UBR3: variants seen among roughly 807,000 people sequenced by gnomAD.
UBR3 encodes the protein E3 ubiquitin-protein ligase UBR3.
Under a neutral mutation model 243.2 loss-of-function variants are expected in UBR3, and 85 were observed. The ratio of observed to expected loss-of-function variants is 0.35; its 90% CI spans 0.29 to 0.42. The LOEUF (loss-of-function observed/expected upper bound fraction) is 0.42, where lower values mean the gene tolerates loss of function less well. UBR3 is among the 10% of genes least tolerant of loss of function. The pLI, the probability that UBR3 is intolerant of heterozygous loss-of-function variation, is 1.00. For synonymous variants in UBR3, 748 were observed against 799.8 expected, an observed-to-expected ratio of 0.94 and a Z score of 1.09; for missense variants, 1,686 against 2,300.8, an observed-to-expected ratio of 0.73 and a Z score of 5.47.
At chr2:169,956,671 G>T (rs528988764) in intron 23 of UBR3, among the ~76,000 whole-genome samples, 25 of 152,270 alleles carry the variant, frequency 1.6e-4, no homozygotes, top group African/African-American at 5.8e-4. Flanking sequence ...GCAAAAATAT[G>T]TAACTTCTCA....
chr2:169,942,645 A>G lies in UBR3; in HGVS notation c.2805+11A>G. The G allele has an allele frequency of 1.3e-6, 2 of 1,494,948 alleles. No homozygotes were observed. Among genetic ancestry groups the G allele is most frequent in the African/African-American group, 1.4e-5 (1 of 70,496 alleles). 92.6% of individuals were successfully genotyped at this position (1,494,948 alleles called of 1,614,324 possible). On this transcript the variant is annotated intron_variant, in intron 20 of 38. Transcript: ENST00000272793. ...ACTCTGCTTTACAAGGTACAGTAGT[A>G]ATTTGAATAGAAAGACTAAGCTTAG...
rs149970268 is a variant in UBR3, at chr2:170,078,454, T to C, written c.5200-1360T>C. On this transcript the variant is annotated intron_variant, in intron 36 of 38. Transcript: ENST00000272793. ...CTGTTAAATACTTTCCACCTCTTGT[T>C]TCCCATACATATGCATTCCAATTGT... Among the ~76,000 whole-genome samples the C allele has an allele frequency of 7.9e-3, 1,201 of 152,312 alleles. 15 individuals are homozygous for C. The highest frequency in any genetic ancestry group is 0.026 in the African/African-American group (1,087 of 41,562).
chr2:169,973,405 GA>G, intron 24 of UBR3, among the ~76,000 whole-genome samples: 1 of 149,252 alleles, frequency 6.7e-6, no homozygotes, highest in Non-Finnish European at 1.5e-5. Flanking sequence ...CACAGAATTG[GA>G]AAAAACTACT....
chr2:170,053,477 C>T (rs2091268287), intron 32 of UBR3, among the ~76,000 whole-genome samples: 1 of 152,124 alleles, frequency 6.6e-6, no homozygotes, highest in East Asian at 1.9e-4. Context: ...TGGACTTCAC[C>T]CAATGTGCCT....
intron 36 of UBR3, among the ~76,000 whole-genome samples, chr2:170,073,979 A>ATGTCT (rs1377918166): frequency 6.6e-6 from 1 of 152,208 alleles, no homozygotes; most frequent in Non-Finnish European, 1.5e-5. Context: ...CTAAAAGGTC[A>ATGTCT]TGTCTTTAAC....
intron 1 of UBR3, among the ~76,000 whole-genome samples, chr2:169,837,067 T>C (rs2082134239): frequency 6.6e-6 from 1 of 152,280 alleles, no homozygotes. Context: ...TTATATGTTT[T>C]CTACTGAAAG....
At chr2:169,914,874 T>TGTGTG (rs2085398802) in intron 11 of UBR3, among the ~76,000 whole-genome samples, 6 of 127,024 alleles carry the variant, frequency 4.7e-5, no homozygotes, top group African/African-American at 2.1e-4. Flanking sequence ...GTGTGTGTGT[T>TGTGTG]TTTTTTCCTT....
intron 35 of UBR3, among the ~76,000 whole-genome samples, chr2:170,067,946 T>G (rs1439081504): frequency 1.3e-5 from 2 of 151,840 alleles, no homozygotes; most frequent in Non-Finnish European, 2.9e-5. Context: ...CTTTTTTTAT[T>G]TTTAGTAGAG....
intron 32 of UBR3, among the ~76,000 whole-genome samples, chr2:170,051,501 C>A (rs902471325): frequency 6.6e-6 from 1 of 152,080 alleles, no homozygotes; most frequent in African/African-American, 2.4e-5. Flanking sequence ...CCCGCCACCA[C>A]GCCCGACTAA....
intron 35 of UBR3, 99 bp downstream of exon 35, chr2:170,061,542 A>G (rs2091457033): frequency 1.4e-6 from 2 of 1,449,160 alleles, no homozygotes; most frequent in Admixed American, 4.1e-5. Context: ...ATCTCGGCTT[A>G]CTGCAACCTC....
intron 32 of UBR3, among the ~76,000 whole-genome samples, chr2:170,051,650 ACTT>A (rs1296880053): frequency 6.6e-6 from 1 of 152,154 alleles, no homozygotes; most frequent in Non-Finnish European, 1.5e-5. Flanking sequence ...CGGCCACATC[ACTT>A]CTTTTTAGTA....
chr2:170,024,310 C>T (rs538154059), intron 30 of UBR3, among the ~76,000 whole-genome samples: 15 of 135,446 alleles, frequency 1.1e-4, no homozygotes, highest in South Asian at 9.3e-4. Context: ...GCTGAGATTG[C>T]GCCATTGTCC....
chr2:169,882,818 A>G (rs2083945361), intron 5 of UBR3, among the ~76,000 whole-genome samples: 1 of 152,160 alleles, frequency 6.6e-6, no homozygotes, highest in African/African-American at 2.4e-5. Context: ...TTCAAGGGTT[A>G]TAAAAATTAT....
At chr2:169,970,977 C>G (rs2088110641) in intron 24 of UBR3, among the ~76,000 whole-genome samples, 1 of 140,776 alleles carries the variant, frequency 7.1e-6, no homozygotes, top group African/African-American at 2.6e-5. Flanking sequence ...CACATCCTCT[C>G]CAGCACCTGT....
intron 35 of UBR3, among the ~76,000 whole-genome samples, chr2:170,068,974 A>AATT (rs1450931451): frequency 6.6e-6 from 1 of 152,232 alleles, no homozygotes; most frequent in Non-Finnish European, 1.5e-5. Flanking sequence ...AAACTTATAT[A>AATT]ATTGTTATGC....
At chr2:169,924,997 G>A (rs2085855557) in intron 13 of UBR3, among the ~76,000 whole-genome samples, 1 of 152,142 alleles carries the variant, frequency 6.6e-6, no homozygotes, top group Admixed American at 6.5e-5. Context: ...TCGCGCCACT[G>A]CACTCCAGTC....
At chr2:169,993,719 G>A (rs1322580088) in intron 25 of UBR3, among the ~76,000 whole-genome samples, 3 of 152,144 alleles carry the variant, frequency 2.0e-5, no homozygotes, top group East Asian at 1.9e-4. Context: ...AGGATGATAC[G>A]TTAAGACTCT....
chr2:169,925,041 C>T (rs927058424), intron 13 of UBR3, among the ~76,000 whole-genome samples: 2 of 151,464 alleles, frequency 1.3e-5, no homozygotes, highest in African/African-American at 4.8e-5. Flanking sequence ...TCAAAAAAAA[C>T]AAAAAAAATG....
chr2:170,061,447 G>A lies in UBR3; in HGVS notation c.5019+4G>A. ...GGAAGATTTACCTAGCTGCCAGGTA[G>A]ATAATTTGGGATATGTAAGAGGGAG... On this transcript the variant is annotated splice_donor_region_variant and intron_variant, in intron 35 of 38. Transcript: ENST00000272793. The A allele has an allele frequency of 6.2e-7, 1 of 1,604,088 alleles. No individual in the cohort carries two copies. Among genetic ancestry groups the A allele is most frequent in the South Asian group, 1.1e-5 (1 of 89,596 alleles).
Sources: gnomAD v4.1 joint callset for allele counts (sites outside exome capture counted in the v4.1 genomes callset) on GRCh38, gnomAD v4.1.1 for gene constraint, MANE v1.5 for transcripts, NCBI Gene and HGNC (gene_info 2026-07-23, HGNC 2026-07-21) for gene names.